Variants in STK3 observed in about 807,000 individuals in gnomAD.
STK3 encodes serine/threonine-protein kinase 3.
A neutral mutation model predicts 58.0 loss-of-function variants in STK3; 41 were observed. The ratio of observed to expected loss-of-function variants is 0.71; its 90% CI spans 0.55 to 0.92. STK3 has a LOEUF of 0.92. Ranked by LOEUF, STK3 falls within the 40% of genes least tolerant of loss-of-function variation. The probability of loss-of-function intolerance (pLI) is 0.00; values close to 1 mark genes in which losing one functional copy is unlikely to be tolerated. For synonymous variants in STK3, 170 were observed against 191.0 expected, an observed-to-expected ratio of 0.89 and a Z score of 0.91; for missense variants, 479 against 602.7, an observed-to-expected ratio of 0.79 and a Z score of 2.15.
chr8:98,635,954 G>A (rs911236377), intron 6 of STK3, among the ~76,000 whole-genome samples: 1 of 151,768 alleles, frequency 6.6e-6, no homozygotes, highest in Non-Finnish European at 1.5e-5. Context: ...ATGAGGCATC[G>A]TCTAACCATC....
chr8:98,481,642 T>C (rs1490590648), intron 10 of STK3, among the ~76,000 whole-genome samples: 2 of 150,860 alleles, frequency 1.3e-5, no homozygotes, highest in Non-Finnish European at 2.9e-5. Context: ...ATTCGGGTGA[T>C]GGGTACACTA....
At chr8:98,543,748 A>C (rs1389347301) in intron 9 of STK3, among the ~76,000 whole-genome samples, 1 of 152,242 alleles carries the variant, frequency 6.6e-6, no homozygotes, top group Non-Finnish European at 1.5e-5. Context: ...CTGTAGAATG[A>C]GGAATTGCTG....
intron 3 of STK3, chr8:98,413,420 C>A: frequency 1.8e-6 from 1 of 565,030 alleles, no homozygotes; most frequent in Non-Finnish European, 3.5e-6. Flanking sequence ...CCTGCTGATC[C>A]CTCACTTTCC....
chr8:98,563,485 C>T (rs1279645412), intron 8 of STK3, among the ~76,000 whole-genome samples: 1 of 152,102 alleles, frequency 6.6e-6, no homozygotes, highest in Admixed American at 6.6e-5. Flanking sequence ...ACATATATCT[C>T]CTTGCCTCAT....
At chr8:98,789,510 A>C (rs1309734784) in intron 1 of STK3, among the ~76,000 whole-genome samples, 1 of 152,198 alleles carries the variant, frequency 6.6e-6, no homozygotes, top group Non-Finnish European at 1.5e-5. Flanking sequence ...GAACATTAAC[A>C]AGATTACCAA....
intron 9 of STK3, among the ~76,000 whole-genome samples, chr8:98,539,752 C>T (rs1278680223): frequency 6.6e-6 from 1 of 151,870 alleles, no homozygotes; most frequent in Non-Finnish European, 1.5e-5. Context: ...ATTTCTCCAC[C>T]CATTCTTTTT....
At chr8:98,456,397 C>T (rs1430840820) in intron 10 of STK3, among the ~76,000 whole-genome samples, 1 of 152,224 alleles carries the variant, frequency 6.6e-6, no homozygotes, top group African/African-American at 2.4e-5. Context: ...CTACAATAAT[C>T]ATGAACACTT....
At chr8:98,696,571 T>G (rs1454593283) in intron 6 of STK3, among the ~76,000 whole-genome samples, 2 of 152,204 alleles carry the variant, frequency 1.3e-5, no homozygotes, top group African/African-American at 4.8e-5. Flanking sequence ...CATGAAGCAT[T>G]GTTGAATTTT....
intron 1 of STK3, among the ~76,000 whole-genome samples, chr8:98,445,212 T>C (rs1439971064): frequency 6.6e-6 from 1 of 152,196 alleles, no homozygotes; most frequent in Non-Finnish European, 1.5e-5. Flanking sequence ...CCCATTATTT[T>C]ATTCCTTTTT....
Position 98,739,612 on chromosome 8 carries a change from G to A in STK3, c.351+9664C>T, listed in dbSNP as rs1587474459. ...CCATCTGTACATCACCATCATCAAA[G>A]ACCAAAAGTAGATAAAACCACAAAG... is the stretch of plus-strand genomic sequence containing the variant. On this transcript the variant is annotated intron_variant, in intron 4 of 10. Coordinates refer to ENST00000419617, the MANE Select transcript of STK3 (RefSeq NM_006281.4). 4.8e-5 allele frequency among the ~76,000 whole-genome samples: 7 copies of A among 146,820 alleles called. No individual in the cohort carries two copies. The South Asian group carries it at 1.5e-3, about 32-fold the overall frequency.
chr8:98,488,623 T>C (rs1373997415), intron 10 of STK3, among the ~76,000 whole-genome samples: 1 of 152,162 alleles, frequency 6.6e-6, no homozygotes, highest in Non-Finnish European at 1.5e-5. Context: ...AAATGCATCA[T>C]GTCTCAAAGA....
chr8:98,451,931 A>G (rs181437680), downstream of STK3, among the ~76,000 whole-genome samples: 13 of 151,290 alleles, frequency 8.6e-5, no homozygotes, highest in East Asian at 2.5e-3. Context: ...CCAAAATTGC[A>G]TTTTGATGAA....
chr8:98,723,010 G>T, intron 4 of STK3: 2 of 361,526 alleles, frequency 5.5e-6, no homozygotes, highest in South Asian at 2.3e-5. Flanking sequence ...ACCATTGATT[G>T]GAATACAAAA....
intron 4 of STK3, among the ~76,000 whole-genome samples, chr8:98,713,321 C>G (rs1826686326): frequency 6.6e-6 from 1 of 152,034 alleles, no homozygotes; most frequent in African/African-American, 2.4e-5. Flanking sequence ...ACAAAAAACC[C>G]TTCAAAAAAT....
At chr8:98,371,056 G>A (rs967539840), downstream of STK3, among the ~76,000 whole-genome samples, 3 of 152,218 alleles carry the variant, frequency 2.0e-5, no homozygotes, top group Non-Finnish European at 4.4e-5. Flanking sequence ...TTCCTAGGAT[G>A]TTGAAGGTCC....
intron 6 of STK3, among the ~76,000 whole-genome samples, chr8:98,641,522 G>A (rs1820013607): frequency 6.6e-6 from 1 of 152,130 alleles, no homozygotes. Context: ...CACTGTTCTA[G>A]TGCTTAACAT....
intron 1 of STK3, among the ~76,000 whole-genome samples, chr8:98,932,697 G>A (rs1447232477): frequency 6.6e-6 from 1 of 152,220 alleles, no homozygotes; most frequent in Non-Finnish European, 1.5e-5. Context: ...CAGGAGGTCT[G>A]CTGCATTACT....
intron 6 of STK3, among the ~76,000 whole-genome samples, chr8:98,599,580 ATT>A (rs1816154869): frequency 6.6e-6 from 1 of 152,188 alleles, no homozygotes; most frequent in Admixed American, 6.5e-5. Context: ...GAAGGGTAAA[ATT>A]ATACTAAACA....
chr8:98,541,428 C>A lies in STK3; in HGVS notation c.1141+6541G>T, dbSNP rs576799446. ...TGCCAGCTTCCCCGTCCCCTTCCAC[C>A]ATGATTGCAGGTTTCCTGAGGCCTC... is the stretch of plus-strand genomic sequence containing the variant. On this transcript the variant is annotated intron_variant, in intron 9 of 10. Transcript: ENST00000419617. 1.9e-3 allele frequency among the ~76,000 whole-genome samples: 283 copies of A among 152,266 alleles called. 3 individuals carry two copies. Among genetic ancestry groups the A allele is most frequent in the South Asian group, 2.9e-3 (14 of 4,812 alleles).
Sources: allele counts gnomAD v4.1 joint callset (sites outside exome capture counted in the v4.1 genomes callset), GRCh38; gene constraint gnomAD v4.1.1; transcripts MANE v1.5; gene names NCBI Gene and HGNC (gene_info 2026-07-23, HGNC 2026-07-21).